The following ASTN2 variants were observed in gnomAD, a reference collection of about 807,000 sequenced individuals.
ASTN2 encodes astrotactin 2.
Under a neutral mutation model 139.8 loss-of-function variants are expected in ASTN2, and 54 were observed. The observed-to-expected ratio is 0.39, with a 90% CI of 0.31 to 0.48. The LOEUF (loss-of-function observed/expected upper bound fraction) is 0.48, where lower values mean the gene tolerates loss of function less well. Ranked by LOEUF, ASTN2 falls within the 20% of genes least tolerant of loss-of-function variation. ASTN2 has a pLI of 0.95. For synonymous variants in ASTN2, 756 were observed against 719.5 expected (o/e 1.05, Z -0.81); for missense variants, 1,565 against 1,725.1 (o/e 0.91, Z 1.64).
intron 10 of ASTN2, among the ~76,000 whole-genome samples, chr9:116,909,616 T>C (rs1469526936): frequency 6.6e-6 from 1 of 152,194 alleles, no homozygotes; most frequent in Non-Finnish European, 1.5e-5. Flanking sequence ...CAGCATTGAA[T>C]GAAATCACCT....
chr9:116,687,867 T>A lies in ASTN2; in HGVS notation c.2807-36074A>T, dbSNP rs762271347. Reference sequence around the variant, plus strand: ...ATAGGAGCAAGGTCTAGGGCGATCCTAAGTGCTATTGAGAAAGGGTTTTCG... The same window carrying A: ...ATAGGAGCAAGGTCTAGGGCGATCCAAAGTGCTATTGAGAAAGGGTTTTCG... On this transcript the variant is annotated intron_variant, in intron 16 of 22. Coordinates refer to ENST00000313400, the MANE Select transcript of ASTN2 (RefSeq NM_001365068.1). 2.0e-4 allele frequency among the ~76,000 whole-genome samples: 30 copies of A among 151,772 alleles called. 1 individual carries two copies. The highest frequency in any genetic ancestry group is 3.4e-3 in the Middle Eastern group (1 of 292).
In ASTN2 at chr9:117,250,643, T is replaced by C. The variant is rs184509036; in HGVS notation, c.631-35901A>G. Among the ~76,000 whole-genome samples, 392 of 152,302 alleles carry C rather than the reference T, an allele frequency of 2.6e-3. 1 individual carries two copies. Among genetic ancestry groups the C allele is most frequent in the Admixed American group, 5.2e-3 (80 of 15,286 alleles). Reference sequence around the variant, plus strand: ...AAGTAATCATGGCTTTTGCCATGACTTTAATGGCAAAAAACAGCAATTACT... The same window carrying C: ...AAGTAATCATGGCTTTTGCCATGACCTTAATGGCAAAAAACAGCAATTACT... On this transcript the variant is annotated intron_variant, in intron 2 of 22. Coordinates refer to ENST00000313400, the MANE Select transcript of ASTN2 (RefSeq NM_001365068.1).
chr9:116,884,063 C>T (rs1833524283), intron 10 of ASTN2, among the ~76,000 whole-genome samples: 2 of 152,112 alleles, frequency 1.3e-5, no homozygotes, highest in African/African-American at 2.4e-5. Context: ...CCCAGGAGAG[C>T]ATGAGGCAAG....
intron 19 of ASTN2, among the ~76,000 whole-genome samples, chr9:116,529,299 C>T (rs1389535872): frequency 6.6e-6 from 1 of 152,116 alleles, no homozygotes. Flanking sequence ...TATTTTGGAC[C>T]TTTAAGATTT....
rs145970816 is a variant in ASTN2, at chr9:117,389,305, G to A, written c.442+25192C>T. On this transcript the variant is annotated intron_variant, in intron 1 of 22. Transcript: ENST00000313400. ...TGCTCCCAAGGCATTTGAAGGAGAT[G>A]GGAACACACAAACCTAATTGCATTA... Among the ~76,000 whole-genome samples the A allele has an allele frequency of 2.0e-4, 31 of 152,262 alleles. 1 individual carries two copies. The highest frequency in any genetic ancestry group is 7.5e-4 in the African/African-American group (31 of 41,560).
chr9:117,388,265 C>A (rs1179203180), intron 1 of ASTN2, among the ~76,000 whole-genome samples: 1 of 152,226 alleles, frequency 6.6e-6, no homozygotes, highest in Non-Finnish European at 1.5e-5. Context: ...ACCCACCTTT[C>A]AAAATCTACC....
intron 22 of ASTN2, among the ~76,000 whole-genome samples, chr9:116,439,876 TG>T (rs1847790089): frequency 6.6e-6 from 1 of 152,262 alleles, no homozygotes; most frequent in South Asian, 2.1e-4. Context: ...TGCCTGTTTA[TG>T]CAACAAGAAG....
intron 1 of ASTN2, among the ~76,000 whole-genome samples, chr9:117,328,117 G>T (rs1828579678): frequency 6.6e-6 from 1 of 152,146 alleles, no homozygotes; most frequent in Non-Finnish European, 1.5e-5. Context: ...TCGAGTCCTT[G>T]CAATTGTTCT....
intron 20 of ASTN2, among the ~76,000 whole-genome samples, chr9:116,484,281 C>T (rs1159820941): frequency 6.6e-6 from 1 of 152,188 alleles, no homozygotes; most frequent in Admixed American, 6.5e-5. Context: ...CAACTCTCTT[C>T]CCTACAACCC....
chr9:116,524,431 G>A (rs1224537685), intron 19 of ASTN2, among the ~76,000 whole-genome samples: 2 of 152,066 alleles, frequency 1.3e-5, no homozygotes, highest in Admixed American at 1.3e-4. Context: ...CCGTGCAAAG[G>A]TGCCAGAAAC....
At chr9:116,581,508 G>C (rs528084837) in intron 19 of ASTN2, among the ~76,000 whole-genome samples, 16 of 152,302 alleles carry the variant, frequency 1.1e-4, no homozygotes, top group Admixed American at 4.6e-4. Context: ...ATATAGACAT[G>C]CATTGTTTCA....
chr9:116,639,439 T>A (rs1044254519), intron 17 of ASTN2, among the ~76,000 whole-genome samples: 1 of 152,208 alleles, frequency 6.6e-6, no homozygotes, highest in South Asian at 2.1e-4. Flanking sequence ...ACATCTGGAA[T>A]GACTTTTTTT....
At chr9:117,390,098 C>G (rs967245721) in intron 1 of ASTN2, among the ~76,000 whole-genome samples, 1 of 152,190 alleles carries the variant, frequency 6.6e-6, no homozygotes, top group African/African-American at 2.4e-5. Context: ...CAAGAGAAAA[C>G]AGCAATGCTT....
At chr9:117,016,339 T>G (rs1443776894) in intron 6 of ASTN2, among the ~76,000 whole-genome samples, 2 of 151,706 alleles carry the variant, frequency 1.3e-5, no homozygotes, top group African/African-American at 2.4e-5. Flanking sequence ...GCCACAGGTG[T>G]CAGGGCTAGA....
At chr9:117,184,681 A>G (rs1299133340) in intron 3 of ASTN2, among the ~76,000 whole-genome samples, 1 of 152,100 alleles carries the variant, frequency 6.6e-6, no homozygotes, top group Non-Finnish European at 1.5e-5. Context: ...CACCCCCTAC[A>G]TACACTGTTG....
chr9:116,801,876 C>A (rs1305105307), intron 13 of ASTN2, among the ~76,000 whole-genome samples: 1 of 151,932 alleles, frequency 6.6e-6, no homozygotes, highest in Non-Finnish European at 1.5e-5. Flanking sequence ...AAGAGAAAAT[C>A]CTGGTCTGTT....
rs1831272648 is a variant in ASTN2 at position 117,414,576 on chromosome 9, G to C, written c.363C>G (p.Leu121=). 1.3e-5 allele frequency: 20 copies of C among 1,588,710 alleles called. No individual in the cohort carries two copies. The East Asian group carries it at 4.9e-4, about 39-fold the overall frequency. The change falls in exon 1 of 23, where the codon CTC becomes CTG. Residue 121 remains leucine (L), a synonymous_variant. Transcript: ENST00000313400. This position sits in a 1 kb window ranked among gnomAD's most constrained non-coding sequence, Gnocchi z 4.2. ...GCCCCGGCAGCTCGTTACGCACAAA[G>C]AGCAGGAGGCGCGACTCGGCGGCGG... ...AGTAAESRLL[L]FVRNELPGRI...
At chr9:116,669,891 A>T (rs1224478159) in intron 16 of ASTN2, among the ~76,000 whole-genome samples, 1 of 151,280 alleles carries the variant, frequency 6.6e-6, no homozygotes, top group African/African-American at 2.4e-5. Context: ...CTGCAACCTC[A>T]ACCTCTTGGG....
At chr9:117,313,188 G>A (rs1239022865) in intron 1 of ASTN2, among the ~76,000 whole-genome samples, 1 of 152,212 alleles carries the variant, frequency 6.6e-6, no homozygotes, top group Non-Finnish European at 1.5e-5. Context: ...AGAGTCCCCT[G>A]TGCAGTGTTT....
Sources: allele counts gnomAD v4.1 joint callset (sites outside exome capture counted in the v4.1 genomes callset), GRCh38; gene constraint gnomAD v4.1.1; non-coding constraint Gnocchi (gnomAD v3.1); transcripts MANE v1.5; gene names NCBI Gene and HGNC (gene_info 2026-07-23, HGNC 2026-07-21).